NPAS3: variants seen among roughly 807,000 people sequenced by gnomAD.
The protein encoded by NPAS3 is neuronal PAS domain-containing protein 3.
NPAS3 carries 14 observed loss-of-function variants against 73.1 expected under a neutral mutation model. The observed-to-expected ratio is 0.19, with a 90% confidence interval of 0.13 to 0.30. The LOEUF (loss-of-function observed/expected upper bound fraction) is 0.30, where lower values mean the gene tolerates loss of function less well. Among genes scored for constraint, NPAS3 ranks in the 10% least tolerant of loss-of-function variants. NPAS3 has a pLI of 1.00. For missense variants in NPAS3, 1,096 were observed against 1,250.0 expected, an observed-to-expected ratio of 0.88 and a Z score of 1.86; for synonymous variants, 620 against 541.5, an observed-to-expected ratio of 1.14 and a Z score of -2.01.
downstream of NPAS3, chr14:33,803,417 T>C (rs1012835634): frequency 2.6e-5 from 4 of 152,132 alleles, no homozygotes; most frequent in African/African-American, 9.7e-5. Flanking sequence ...GGTGGAATAA[T>C]AACAAAAAGA....
intron 3 of NPAS3, among the ~76,000 whole-genome samples, chr14:33,310,509 G>A (rs1356027103): frequency 6.6e-6 from 1 of 152,142 alleles, no homozygotes; most frequent in Non-Finnish European, 1.5e-5. Flanking sequence ...TGGCAGAAAT[G>A]TTAAGTGCTT....
chr14:33,051,960 C>T (rs2040726261), intron 1 of NPAS3, among the ~76,000 whole-genome samples: 2 of 152,082 alleles, frequency 1.3e-5, no homozygotes, highest in Admixed American at 1.3e-4. Flanking sequence ...AGAGTTTCAC[C>T]GTGTTAGCCA....
At chr14:33,542,073 A>G (rs1595118045) in intron 4 of NPAS3, among the ~76,000 whole-genome samples, 1 of 152,340 alleles carries the variant, frequency 6.6e-6, no homozygotes, top group East Asian at 1.9e-4. Context: ...TGATGAAGTT[A>G]GTATGAATGT....
At chr14:33,268,443 G>A (rs2139998300) in intron 3 of NPAS3, among the ~76,000 whole-genome samples, 2 of 152,218 alleles carry the variant, frequency 1.3e-5, no homozygotes, top group Middle Eastern at 3.4e-3. Flanking sequence ...TTATTCTGTG[G>A]TTTCTCATGG....
chr14:33,703,163 A>G (rs1187265667), intron 6 of NPAS3, among the ~76,000 whole-genome samples: 1 of 152,060 alleles, frequency 6.6e-6, no homozygotes, highest in Non-Finnish European at 1.5e-5. Context: ...TAGTCAAAAG[A>G]TACATGTTCT....
At chr14:33,358,456 C>G (rs749440249) in intron 3 of NPAS3, among the ~76,000 whole-genome samples, 5 of 152,124 alleles carry the variant, frequency 3.3e-5, no homozygotes, top group Admixed American at 3.3e-4. Context: ...GCTACGTTAA[C>G]ATGCTTTTGC....
intron 2 of NPAS3, among the ~76,000 whole-genome samples, chr14:33,174,038 G>A (rs1450948485): frequency 6.6e-6 from 1 of 152,200 alleles, no homozygotes; most frequent in Non-Finnish European, 1.5e-5. Context: ...GGAGGTTTCA[G>A]AGGTTTGCAT....
intron 3 of NPAS3, among the ~76,000 whole-genome samples, chr14:33,277,263 C>T (rs1315525264): frequency 6.6e-6 from 1 of 152,116 alleles, no homozygotes; most frequent in Non-Finnish European, 1.5e-5. Flanking sequence ...ATGGAGGATA[C>T]ATGGGTGTTG....
chr14:33,457,896 T>A (rs891003760), intron 4 of NPAS3, among the ~76,000 whole-genome samples: 3 of 152,162 alleles, frequency 2.0e-5, no homozygotes, highest in South Asian at 4.1e-4. Flanking sequence ...GGAACCTGTG[T>A]TTATCAGCGT....
intron 2 of NPAS3, among the ~76,000 whole-genome samples, chr14:33,148,045 A>G (rs1192698666): frequency 4.6e-5 from 7 of 152,082 alleles, no homozygotes; most frequent in Non-Finnish European, 8.8e-5. Flanking sequence ...TGTGAAACAA[A>G]TGAGGGAAAG....
intron 7 of NPAS3, among the ~76,000 whole-genome samples, chr14:33,749,091 A>G (rs1011377653): frequency 3.3e-5 from 5 of 152,332 alleles, no homozygotes; most frequent in African/African-American, 1.2e-4. Context: ...TAGAGAGACT[A>G]TGGATGGACT....
intron 2 of NPAS3, among the ~76,000 whole-genome samples, chr14:33,144,913 G>C (rs1290409088): frequency 6.6e-6 from 1 of 151,974 alleles, no homozygotes; most frequent in Non-Finnish European, 1.5e-5. Flanking sequence ...TTTTAAAAAG[G>C]ATTTATGTGT....
chr14:33,799,805 C>T (rs1374203921), exon 12 of NPAS3: 13 of 1,613,400 alleles, frequency 8.1e-6, no homozygotes, highest in Admixed American at 3.3e-5. Context: ...GGAGCCCGAC[C>T]GGAAGAAGTC....
chr14:33,182,202 T>C (rs2045822891), intron 2 of NPAS3, among the ~76,000 whole-genome samples: 1 of 152,232 alleles, frequency 6.6e-6, no homozygotes, highest in Non-Finnish European at 1.5e-5. Flanking sequence ...GTGTTAGGTA[T>C]ATATTTTAAA....
chr14:33,421,278 A>G (rs1455268772), intron 4 of NPAS3, among the ~76,000 whole-genome samples: 2 of 151,914 alleles, frequency 1.3e-5, no homozygotes, highest in Non-Finnish European at 2.9e-5. Flanking sequence ...GACCATCCCA[A>G]TAAAGGTGTG....
At chr14:33,174,845 G>A (rs1198170465) in intron 2 of NPAS3, among the ~76,000 whole-genome samples, 6 of 152,186 alleles carry the variant, frequency 3.9e-5, no homozygotes, top group South Asian at 2.1e-4. Context: ...AGCTAGCAGC[G>A]ATGGCGGGAT....
intron 7 of NPAS3, among the ~76,000 whole-genome samples, chr14:33,773,430 C>T (rs375124477): frequency 1.3e-5 from 2 of 152,286 alleles, no homozygotes; most frequent in South Asian, 4.1e-4. Context: ...CCCACCCAGC[C>T]CTTCCTTCTG....
intron 1 of NPAS3, among the ~76,000 whole-genome samples, chr14:32,994,596 A>G: frequency 6.7e-6 from 1 of 149,030 alleles, no homozygotes; most frequent in East Asian, 1.9e-4. Flanking sequence ...AAAATTGGAT[A>G]GGCTCGCCAT....
intron 5 of NPAS3, among the ~76,000 whole-genome samples, chr14:33,572,172 G>A (rs1193813864): frequency 1.3e-5 from 2 of 152,104 alleles, no homozygotes; most frequent in Non-Finnish European, 2.9e-5. Context: ...AAACAATTCA[G>A]AGGTATTATT....
Sources: allele counts gnomAD v4.1 joint callset (sites outside exome capture counted in the v4.1 genomes callset), GRCh38; gene constraint gnomAD v4.1.1; transcripts MANE v1.5; gene names NCBI Gene and HGNC (gene_info 2026-07-23, HGNC 2026-07-21).